The following CCDC60 variants were observed in gnomAD, a reference collection of about 807,000 sequenced individuals.
CCDC60 encodes coiled-coil domain-containing protein 60.
A neutral mutation model predicts 63.5 loss-of-function variants in CCDC60; 54 were observed. The observed-to-expected ratio is 0.85, with a 90% CI of 0.68 to 1.07. CCDC60 has a LOEUF of 1.07. Ranked by LOEUF, CCDC60 falls within the 50% of genes least tolerant of loss-of-function variation. The probability of loss-of-function intolerance (pLI) is 0.00; values close to 1 mark genes in which losing one functional copy is unlikely to be tolerated. For missense variants in CCDC60, 651 were observed against 684.3 expected (o/e 0.95, Z 0.54); for synonymous variants, 206 against 238.8 (o/e 0.86, Z 1.27).
chr12:119,508,835 A>AT (rs371028273), intron 7 of CCDC60, among the ~76,000 whole-genome samples: 58 of 149,532 alleles, frequency 3.9e-4, no homozygotes, highest in Non-Finnish European at 5.9e-4. Flanking sequence ...CCATGTCTTC[A>AT]TTTTTTTTTT....
intron 13 of CCDC60, 84 bp from the exon 14 acceptor site, chr12:119,540,530 T>C: frequency 1.0e-6 from 1 of 954,886 alleles, no homozygotes; most frequent in East Asian, 2.4e-5. Flanking sequence ...GTCACAAATC[T>C]TCCAGGATCT....
At position 119,528,736 on chromosome 12, in the gene CCDC60, G is replaced by T; in HGVS notation, c.1351G>T (p.Ala451Ser). Residue 451 changes from alanine (A) to serine (S), a missense_variant, in exon 12 of 14, where the codon GCA becomes TCA. Transcript: ENST00000327554. ...SVVKGDAEEI[A>S]DHWYFDLLSK... ...AGTAAAAGGAGATGCAGAAGAAATT[G>T]CAGACCACTGGTAAATATCCTAAGA... 6.2e-7 allele frequency: 1 copy of T among 1,613,590 alleles called. No individual in the cohort carries two copies. The highest frequency in any genetic ancestry group is 8.5e-7 in the Non-Finnish European group (1 of 1,179,758).
intron 2 of CCDC60, among the ~76,000 whole-genome samples, chr12:119,446,363 G>A (rs1397853035): frequency 6.6e-6 from 1 of 152,192 alleles, no homozygotes; most frequent in African/African-American, 2.4e-5. Flanking sequence ...GATGGGAGCA[G>A]TATATGTTCA....
chr12:119,381,564 C>A (rs1179392004), intron 1 of CCDC60, among the ~76,000 whole-genome samples: 1 of 152,238 alleles, frequency 6.6e-6, no homozygotes, highest in Non-Finnish European at 1.5e-5. Context: ...GATACTCAGA[C>A]TCAGTGGTAG....
intron 1 of CCDC60, among the ~76,000 whole-genome samples, chr12:119,365,522 GTGTTT>G (rs1237019189): frequency 2.6e-5 from 4 of 152,186 alleles, no homozygotes; most frequent in Non-Finnish European, 5.9e-5. Flanking sequence ...GTGTGTGTGT[GTGTTT>G]TGTTTTGTTT....
intron 1 of CCDC60, among the ~76,000 whole-genome samples, chr12:119,379,646 G>A (rs1955988783): frequency 6.6e-6 from 1 of 152,232 alleles, no homozygotes; most frequent in Non-Finnish European, 1.5e-5. Flanking sequence ...ATGGTGAAAT[G>A]TGCAAACAGA....
intron 1 of CCDC60, among the ~76,000 whole-genome samples, chr12:119,379,779 T>C (rs1011677535): frequency 5.9e-5 from 9 of 152,234 alleles, no homozygotes; most frequent in African/African-American, 2.2e-4. Context: ...GGGAAGCTAC[T>C]GGAGGTAGGG....
chr12:119,403,207 T>G (rs1956424988), intron 1 of CCDC60, among the ~76,000 whole-genome samples: 1 of 152,106 alleles, frequency 6.6e-6, no homozygotes, highest in East Asian at 1.9e-4. Flanking sequence ...ACTAAATACC[T>G]TGGTTTTTCT....
chr12:119,417,496 C>A (rs190897363), intron 1 of CCDC60, among the ~76,000 whole-genome samples: 1 of 152,226 alleles, frequency 6.6e-6, no homozygotes, highest in Non-Finnish European at 1.5e-5. Flanking sequence ...GACAGGCAGG[C>A]ATACAATCCT....
At position 119,531,784 on chromosome 12, in the gene CCDC60, TA is replaced by T. The variant is rs200511334; in HGVS notation, c.1551+724del. Among the ~76,000 whole-genome samples, 131 of 152,320 alleles carry T rather than the reference TA, an allele frequency of 8.6e-4. 1 individual carries two copies. In the East Asian group the frequency reaches 0.02, roughly 24 times the overall value. ...GTCAAGATAAAAATTTAGGAGCCAC[TA>T]AACAGTTTTCCATTGTCATTCACCA... On this transcript the variant is annotated intron_variant, in intron 13 of 13. Coordinates refer to ENST00000327554, the MANE Select transcript of CCDC60 (RefSeq NM_178499.5).
At chr12:119,355,484 CATTCATTT>C (rs1486285732) in intron 1 of CCDC60, among the ~76,000 whole-genome samples, 6 of 152,210 alleles carry the variant, frequency 3.9e-5, no homozygotes, top group African/African-American at 1.4e-4. Context: ...TCTTTGAATT[CATTCATTT>C]ATTCAAAACC....
chr12:119,486,063 C>T (rs2136367417), intron 4 of CCDC60, among the ~76,000 whole-genome samples: 1 of 152,332 alleles, frequency 6.6e-6, no homozygotes, highest in East Asian at 1.9e-4. Flanking sequence ...CCCCCGGCCT[C>T]TCACAACCTC....
At chr12:119,478,754 C>T (rs1279978217) in intron 3 of CCDC60, among the ~76,000 whole-genome samples, 1 of 151,928 alleles carries the variant, frequency 6.6e-6, no homozygotes, top group East Asian at 1.9e-4. Flanking sequence ...ACTACAGGCA[C>T]TTGCCACCAC....
chr12:119,443,826 T>C (rs1325406343), intron 2 of CCDC60, among the ~76,000 whole-genome samples: 1 of 152,186 alleles, frequency 6.6e-6, no homozygotes, highest in Non-Finnish European at 1.5e-5. Flanking sequence ...ATGGATGAGT[T>C]ACCTAATCTC....
chr12:119,464,659 T>G (rs1461136104), intron 2 of CCDC60, among the ~76,000 whole-genome samples: 4 of 152,136 alleles, frequency 2.6e-5, no homozygotes, highest in Non-Finnish European at 5.9e-5. Context: ...CCACAAGAGC[T>G]GCCCACCATT....
At chr12:119,450,180 G>C (rs144890929) in intron 2 of CCDC60, among the ~76,000 whole-genome samples, 307 of 129,822 alleles carry the variant, frequency 2.4e-3, no homozygotes, top group Middle Eastern at 4.9e-3. Flanking sequence ...GAATTATTGC[G>C]TGTTCTTATT....
chr12:119,423,686 G>A (rs1956853253), intron 1 of CCDC60, among the ~76,000 whole-genome samples: 1 of 152,226 alleles, frequency 6.6e-6, no homozygotes, highest in African/African-American at 2.4e-5. Flanking sequence ...CAGCCCTGGA[G>A]ATGGTAGAGG....
intron 7 of CCDC60, among the ~76,000 whole-genome samples, chr12:119,507,553 TATATATATATATATATGTATATATAC>T (rs1566050057): frequency 1.6e-4 from 8 of 48,902 alleles, no homozygotes; most frequent in African/African-American, 8.0e-4. Flanking sequence ...TATATATACA[TATATATATATATATATGTATATATAC>T]ACATATATAT....
chr12:119,360,697 G>C lies in CCDC60; in HGVS notation c.90+25431G>C, dbSNP rs183503110. ...CTCCTCACTTCCTAGATGTGATGGCGGCCGGGAAGAGGCGCTCCTCACTTC... is the reference window on the plus strand; with the variant it reads ...CTCCTCACTTCCTAGATGTGATGGCCGCCGGGAAGAGGCGCTCCTCACTTC... On this transcript the variant is annotated intron_variant, in intron 1 of 13. Coordinates refer to ENST00000327554, the MANE Select transcript of CCDC60 (RefSeq NM_178499.5). Among the ~76,000 whole-genome samples, 5 of 151,926 alleles carry C rather than the reference G, an allele frequency of 3.3e-5. No individual in the cohort carries two copies. The East Asian group carries it at 7.9e-4, about 24-fold the overall frequency.
Sources: allele counts gnomAD v4.1 joint callset (sites outside exome capture counted in the v4.1 genomes callset), GRCh38; gene constraint gnomAD v4.1.1; transcripts MANE v1.5; gene names NCBI Gene and HGNC (gene_info 2026-07-23, HGNC 2026-07-21).